The following HMCN2 variants were observed in gnomAD, a reference collection of about 807,000 sequenced individuals.
HMCN2 encodes hemicentin-2.
Under a neutral mutation model 377.5 loss-of-function variants are expected in HMCN2, and 325 were observed. The ratio of observed to expected loss-of-function variants is 0.86; its 90% CI spans 0.79 to 0.94. The LOEUF (loss-of-function observed/expected upper bound fraction) is 0.94. Ranked by LOEUF, HMCN2 falls within the 40% of genes least tolerant of loss-of-function variation. The probability of loss-of-function intolerance (pLI) is 0.00; values close to 1 mark genes in which losing one functional copy is unlikely to be tolerated. For synonymous variants in HMCN2, 2,007 were observed against 2,046.8 expected (o/e 0.98, Z 0.53); for missense variants, 4,543 against 4,725.3 (o/e 0.96, Z 1.13).
rs538662016 is a variant in HMCN2, at chr9:130,308,025, C to T, written c.2200+459C>T. On this transcript the variant is annotated intron_variant, in intron 14 of 97. Transcript: ENST00000683500. The surrounding 1 kb of genome is among the most constrained non-coding windows in gnomAD (Gnocchi z 4.1). ...AGGCTGGTGTGCAGTGGTGTAATCT[C>T]GGCTCACTGCAGCCTCCACCTCCTG... 1.3e-4 allele frequency among the ~76,000 whole-genome samples: 20 copies of T among 151,878 alleles called. No homozygotes were observed. The highest frequency in any genetic ancestry group is 6.6e-5 in the Admixed American group (1 of 15,266).
chr9:130,404,786 C>A, intron 80 of HMCN2, 83 bp from the exon 81 acceptor site: 1 of 1,009,850 alleles, frequency 9.9e-7, no homozygotes, highest in Non-Finnish European at 1.3e-6. Flanking sequence ...GGCTGAAGGG[C>A]TGGGCCAAAG....
intron 59 of HMCN2, among the ~76,000 whole-genome samples, chr9:130,385,236 G>A (rs1841958764): frequency 6.6e-6 from 1 of 152,164 alleles, no homozygotes; most frequent in East Asian, 1.9e-4. Context: ...TGGAGCCACA[G>A]GGGCTGAACG....
In HMCN2 at chr9:130,294,979, T is replaced by A. The variant is rs1317413829; in HGVS notation, c.737T>A (p.Ile246Asn). Residue 246 changes from isoleucine to asparagine, a missense_variant, in exon 5 of 98, where the codon ATC becomes AAC. Ile to Asn is a moderately radical substitution (Grantham distance 149). This residue lies in a region of HMCN2 where 547 missense variants were observed against 189.9 expected (regional missense o/e 2.88). Transcript: ENST00000683500. ...GACCCCAGCCTGAAGGAGGTCACCA[T>A]CTCATTGAGTGGGCCAGGGCCTGAG... ...PFDPSLKEVT[I>N]SLSGPGPEIE... 7 of 470,730 alleles carry A rather than the reference T, an allele frequency of 1.5e-5. No homozygotes were observed. Among genetic ancestry groups the A allele is most frequent in the Admixed American group, 2.4e-5 (1 of 42,518 alleles). 29.2% of individuals were successfully genotyped at this position (470,730 alleles called of 1,614,324 possible).
In HMCN2 at chr9:130,433,533, G is replaced by A. The variant is rs1345193688; in HGVS notation, c.15080G>A (p.Ser5027Asn). The A allele has an allele frequency of 4.8e-6, 7 of 1,471,964 alleles. No individual in the cohort carries two copies. In the African/African-American group the frequency reaches 1.0e-4, roughly 22 times the overall value. The allele number at this position is 1,471,964 out of a possible 1,614,324, so 91.2% of individuals were successfully genotyped here. ...AGCATGCTGGAGCCCGACCCCCGCA[G>A]CCCCTTCGCGCTGCGTCCGCTGCGC... Reference protein sequence around the residue: ...ELSMLEPDPRSPFALRPLRAG... With the variant: ...ELSMLEPDPRNPFALRPLRAG... Residue 5027 changes from serine to asparagine, a missense_variant, in exon 98 of 98, where the codon AGC (serine) becomes AAC (asparagine). Physicochemically the swap from Ser to Asn is conservative, Grantham distance 46 (BLOSUM62 1). Transcript: ENST00000683500.
chr9:130,358,904 G>A (rs1193988374), intron 36 of HMCN2, among the ~76,000 whole-genome samples: 1 of 152,208 alleles, frequency 6.6e-6, no homozygotes, highest in Non-Finnish European at 1.5e-5. Context: ...TCGATCTCCT[G>A]ACCTCGTGAT....
chr9:130,420,832 T>C (rs1843965498), intron 86 of HMCN2, among the ~76,000 whole-genome samples: 1 of 152,174 alleles, frequency 6.6e-6, no homozygotes, highest in Admixed American at 6.5e-5. Context: ...CATTCTGAGG[T>C]CCTGGGGGTT....
At chr9:130,317,467 ATCTC>A (rs1177875902) in intron 15 of HMCN2, among the ~76,000 whole-genome samples, 14,494 of 123,184 alleles carry the variant, frequency 0.12, 925 homozygotes, top group East Asian at 0.24. Context: ...AGACCCCACC[ATCTC>A]TCTCTCTCTC....
intron 22 of HMCN2, among the ~76,000 whole-genome samples, chr9:130,328,938 C>T (rs923098686): frequency 2.0e-5 from 3 of 152,234 alleles, no homozygotes; most frequent in Non-Finnish European, 4.4e-5. Flanking sequence ...CATTTATCCT[C>T]CTCCTACCAC....
chr9:130,312,539 C>CCCTCCCTCCCTCCCTT (rs1554939344), intron 15 of HMCN2, among the ~76,000 whole-genome samples: 1 of 6,634 alleles, frequency 1.5e-4, no homozygotes, highest in African/African-American at 3.9e-4. Flanking sequence ...CTCCCTCCCT[C>CCCTCCCTCCCTCCCTT]CTTTCTTTCT....
In HMCN2 at chr9:130,385,605, T is replaced by C; in HGVS notation, c.9152T>C (p.Val3051Ala). Residue 3051 changes from valine to alanine, a missense_variant, in exon 60 of 98, where the codon GTC (valine) becomes GCC (alanine). Around this residue, in one of 5 missense-constraint regions of HMCN2, gnomAD observed 736 missense variants for 773.2 expected, o/e 0.95. Coordinates refer to ENST00000683500, the MANE Select transcript of HMCN2 (RefSeq NM_001291815.2). ...GCTCCCAGAGGTCCCCAGGATGCGGTCCTGGTGAGGGTCGGGGACAAAGCT... is the reference window on the plus strand; with the variant it reads ...GCTCCCAGAGGTCCCCAGGATGCGGCCCTGGTGAGGGTCGGGGACAAAGCT... ...RQAPRGPQDA[V>A]LVRVGDKAVL... 7.7e-7 allele frequency: 1 copy of C among 1,304,128 alleles called. No homozygotes were observed. Among genetic ancestry groups the C allele is most frequent in the Non-Finnish European group, 1.0e-6 (1 of 988,898 alleles). The allele number at this position is 1,304,128 out of a possible 1,614,324, so 80.8% of individuals were successfully genotyped here.
intron 1 of HMCN2, among the ~76,000 whole-genome samples, chr9:130,284,236 C>T (rs1554926744): frequency 6.6e-6 from 1 of 152,172 alleles, no homozygotes; most frequent in African/African-American, 2.4e-5. Flanking sequence ...TCTTTGTCTT[C>T]CCAGAATTCC....
rs1840312878 is a variant in HMCN2, at chr9:130,360,432, C to T, written c.5778C>T (p.Val1926=). 7.7e-7 allele frequency: 1 copy of T among 1,295,206 alleles called. No homozygotes were observed. The allele number at this position is 1,295,206 out of a possible 1,614,324, so 80.2% of individuals were successfully genotyped here. ...CATCTCTCTTCCTTTCCCCAGATGT[C>T]TCCTGGTTCAAGGGCCACCAACCTG... ...CLASGVPPPD[V]SWFKGHQPVS... Residue 1926 remains valine, a synonymous_variant, in exon 38 of 98, where the codon GTC becomes GTT. Transcript: ENST00000683500. The surrounding 1 kb of genome is among the most constrained non-coding windows in gnomAD (Gnocchi z 4.7).
rs1293911791 is a variant in HMCN2, at chr9:130,359,359, G to A, written c.5718G>A (p.Val1906=). 3 of 1,304,066 alleles carry A rather than the reference G, an allele frequency of 2.3e-6. No homozygotes were observed. Among genetic ancestry groups the A allele is most frequent in the Non-Finnish European group, 3.0e-6 (3 of 988,760 alleles). The allele number at this position is 1,304,066 out of a possible 1,614,324, so 80.8% of individuals were successfully genotyped here. Residue 1906 remains valine, a synonymous_variant, in exon 37 of 98, where the codon GTG becomes GTA. Coordinates refer to ENST00000683500, the MANE Select transcript of HMCN2 (RefSeq NM_001291815.2). Reference sequence around the variant, plus strand: ...AGCCAGGCCCAGTCAACAAGGCAGTGCTGGAAAATGCCTCAGTGACCTTGG... The same window carrying A: ...AGCCAGGCCCAGTCAACAAGGCAGTACTGGAAAATGCCTCAGTGACCTTGG... ...NIEPGPVNKA[V]LENASVTLEC... is the part of the protein sequence containing the mutation.
In HMCN2 at chr9:130,352,522, A is replaced by G. The variant is rs1296926383; in HGVS notation, c.4586-405A>G. ...GATGCAGTTATTTCATGCTGTGCCC[A>G]TGTGCCCCTAGCATTGTCCTGGGTA... On this transcript the variant is annotated intron_variant, in intron 30 of 97. Transcript: ENST00000683500. Among the ~76,000 whole-genome samples, 5 of 152,332 alleles carry G rather than the reference A, an allele frequency of 3.3e-5. No individual in the cohort carries two copies. The South Asian group carries it at 1.0e-3, about 32-fold the overall frequency.
In HMCN2 at chr9:130,266,085, C is replaced by T; in HGVS notation, c.207C>T (p.Ser69=). Residue 69 remains serine, a synonymous_variant, in exon 1 of 98, where the codon AGC becomes AGT. Transcript: ENST00000683500. ...CGCGCATTCTGGAACGCAGTCTGAGCCGCCGCAGCCAGGCCATCGCCAACT... is the reference window on the plus strand; with the variant it reads ...CGCGCATTCTGGAACGCAGTCTGAGTCGCCGCAGCCAGGCCATCGCCAACT... ...GASRILERSL[S]RRSQAIANYA... 2.1e-6 allele frequency: 1 copy of T among 470,236 alleles called. No homozygotes were observed. The highest frequency in any genetic ancestry group is 7.0e-5 in the East Asian group (1 of 14,350). 29.1% of individuals were successfully genotyped at this position (470,236 alleles called of 1,614,324 possible).
chr9:130,333,171 A>G (rs1174286260), intron 22 of HMCN2, among the ~76,000 whole-genome samples: 2 of 152,224 alleles, frequency 1.3e-5, no homozygotes. Context: ...GAACTGGGGC[A>G]TGCCGGGGAC....
At position 130,375,774 on chromosome 9, in the gene HMCN2, T is replaced by C; in HGVS notation, c.7804+38T>C. The C allele has an allele frequency of 3.0e-6, 3 of 984,428 alleles. No individual in the cohort carries two copies. In the South Asian group the frequency reaches 1.4e-4, roughly 46 times the overall value. The allele number at this position is 984,428 out of a possible 1,614,324, so 61.0% of individuals were successfully genotyped here. The stretch of plus-strand genomic sequence containing the variant: ...GGGGGGAAAGGAGGGAGGGAACAGG[T>C]GACATGTCATCAGAATTGGAGGAGA... On this transcript the variant is annotated intron_variant, in intron 50 of 97. Coordinates refer to ENST00000683500, the MANE Select transcript of HMCN2 (RefSeq NM_001291815.2).
intron 53 of HMCN2, among the ~76,000 whole-genome samples, chr9:130,378,549 G>A (rs1429061387): frequency 7.1e-6 from 1 of 140,872 alleles, no homozygotes; most frequent in Non-Finnish European, 1.5e-5. Flanking sequence ...GTGGGAAGGG[G>A]AGGCTGGGAG....
At chr9:130,337,119 G>A (rs1838795109) in intron 22 of HMCN2, among the ~76,000 whole-genome samples, 1 of 152,280 alleles carries the variant, frequency 6.6e-6, no homozygotes, top group East Asian at 1.9e-4. Context: ...GGAGCTGTGC[G>A]GAGCCAGCAC....
Sources: allele counts gnomAD v4.1 joint callset (sites outside exome capture counted in the v4.1 genomes callset), GRCh38; gene constraint gnomAD v4.1.1; regional missense constraint gnomAD v4.1.1; non-coding constraint Gnocchi (gnomAD v3.1); transcripts MANE v1.5; gene names NCBI Gene and HGNC (gene_info 2026-07-23, HGNC 2026-07-21).